Variants in ATP6V1E2 observed in about 807,000 individuals in gnomAD.
The protein encoded by ATP6V1E2 is V-type proton ATPase subunit E 2.
For missense variants in ATP6V1E2, 308 were observed against 273.3 expected, an observed-to-expected ratio of 1.13 and a Z score of -0.90; for synonymous variants, 121 against 104.2, an observed-to-expected ratio of 1.16 and a Z score of -0.98.
At chr2:46,525,338 T>C (rs1572708137) in intron 4 of ATP6V1E2, among the ~76,000 whole-genome samples, 1 of 151,280 alleles carries the variant, frequency 6.6e-6, no homozygotes, top group Non-Finnish European at 1.5e-5. Context: ...GGCGGGCGCC[T>C]GTAGTCCCAG....
chr2:46,536,959 T>C (rs1667475878), intron 2 of ATP6V1E2, among the ~76,000 whole-genome samples: 1 of 152,070 alleles, frequency 6.6e-6, no homozygotes, highest in South Asian at 2.1e-4. Flanking sequence ...ATTTTTGTAT[T>C]TTTAGCGGAG....
chr2:46,526,241 G>A (rs538407432), intron 4 of ATP6V1E2, among the ~76,000 whole-genome samples: 13 of 151,932 alleles, frequency 8.6e-5, no homozygotes, highest in South Asian at 2.1e-4. Flanking sequence ...TCAGCCTCCC[G>A]AGTAGCTGGG....
intron 4 of ATP6V1E2, among the ~76,000 whole-genome samples, chr2:46,522,158 T>C (rs1019940180): frequency 6.6e-6 from 1 of 151,450 alleles, no homozygotes; most frequent in African/African-American, 2.4e-5. Context: ...GGAATGATGG[T>C]GTGCGCCTGT....
At position 46,533,244 on chromosome 2, in the gene ATP6V1E2, T is replaced by C. The variant is rs1414975195; in HGVS notation, c.-102+2569A>G. Reference sequence around the variant, plus strand: ...ATAGATAGATAGATAGATAGATAGATAGATAGATAGAATGGTTTGGGGTTT... The same window carrying C: ...ATAGATAGATAGATAGATAGATAGACAGATAGATAGAATGGTTTGGGGTTT... On this transcript the variant is annotated intron_variant, in intron 4 of 4. Transcript: ENST00000522587. Among the ~76,000 whole-genome samples the C allele has an allele frequency of 2.8e-5, 4 of 141,402 alleles. No homozygotes were observed. The East Asian group carries it at 7.8e-4, about 28-fold the overall frequency. The allele number at this position is 141,402 out of a possible 152,430, so 92.8% of individuals were successfully genotyped here.
At chr2:46,532,674 G>T (rs1423001236) in intron 4 of ATP6V1E2, among the ~76,000 whole-genome samples, 1 of 152,152 alleles carries the variant, frequency 6.6e-6, no homozygotes. Flanking sequence ...CTTCTACCAT[G>T]TGAGGTCATA....
intron 4 of ATP6V1E2, among the ~76,000 whole-genome samples, chr2:46,517,301 A>C (rs983021611): frequency 1.3e-5 from 2 of 152,152 alleles, no homozygotes; most frequent in Non-Finnish European, 2.9e-5. Context: ...ATGAAATTGG[A>C]CCCTTATTTT....
At chr2:46,541,265 T>C (rs955834497) in intron 2 of ATP6V1E2, 125 bp downstream of exon 2, 1 of 152,244 alleles carries the variant, frequency 6.6e-6, no homozygotes, top group Non-Finnish European at 1.5e-5. Flanking sequence ...ATTCAGTCCA[T>C]ACAAAATATC....
At chr2:46,519,432 G>A (rs1015243887) in intron 4 of ATP6V1E2, 2 of 152,218 alleles carry the variant, frequency 1.3e-5, no homozygotes, top group Admixed American at 1.3e-4. Context: ...GTCTTTAAGA[G>A]AGCCACACCC....
intron 4 of ATP6V1E2, among the ~76,000 whole-genome samples, chr2:46,515,427 T>A (rs1351643510): frequency 1.3e-5 from 2 of 152,338 alleles, no homozygotes; most frequent in Non-Finnish European, 2.9e-5. Flanking sequence ...ATTCATCAGC[T>A]TAAAGTAGAC....
intron 4 of ATP6V1E2, among the ~76,000 whole-genome samples, chr2:46,516,224 A>T (rs1043693907): frequency 1.3e-5 from 2 of 152,226 alleles, no homozygotes; most frequent in African/African-American, 4.8e-5. Flanking sequence ...GCAGCACAAT[A>T]CACATTCTTC....
chr2:46,532,084 A>C (rs1386827202), intron 4 of ATP6V1E2, among the ~76,000 whole-genome samples: 1 of 152,218 alleles, frequency 6.6e-6, no homozygotes, highest in African/African-American at 2.4e-5. Context: ...TGCTTTTGAC[A>C]TCATATATAA....
At chr2:46,540,549 G>A (rs1296684944) in intron 2 of ATP6V1E2, among the ~76,000 whole-genome samples, 1 of 149,788 alleles carries the variant, frequency 6.7e-6, no homozygotes, top group Non-Finnish European at 1.5e-5. Flanking sequence ...GACAGCCTAT[G>A]GGACGCTCAG....
intron 4 of ATP6V1E2, among the ~76,000 whole-genome samples, chr2:46,531,552 G>T (rs888374563): frequency 6.6e-6 from 1 of 152,206 alleles, no homozygotes; most frequent in African/African-American, 2.4e-5. Flanking sequence ...CCTAGCTCTA[G>T]AATTGCTGGG....
At chr2:46,540,962 G>A (rs1438460322) in intron 2 of ATP6V1E2, among the ~76,000 whole-genome samples, 32 of 152,186 alleles carry the variant, frequency 2.1e-4, no homozygotes, top group Admixed American at 2.1e-3. Flanking sequence ...CACATTTATA[G>A]ATGAGAAAAC....
At chr2:46,519,828 T>G (rs962220398) in intron 4 of ATP6V1E2, 1 of 152,242 alleles carries the variant, frequency 6.6e-6, no homozygotes, top group East Asian at 1.9e-4. Flanking sequence ...CTCTTCATCA[T>G]AGTTGTTCTG....
chr2:46,536,312 C>T (rs1667441748), intron 3 of ATP6V1E2, among the ~76,000 whole-genome samples: 2 of 152,194 alleles, frequency 1.3e-5, no homozygotes, highest in African/African-American at 4.8e-5. Context: ...TATTTATCAG[C>T]GTGATCATTA....
At chr2:46,534,889 C>T (rs1218104573) in intron 4 of ATP6V1E2, 1 of 152,196 alleles carries the variant, frequency 6.6e-6, no homozygotes, top group Admixed American at 6.5e-5. Flanking sequence ...CACAGCTCCG[C>T]AGTAGTTCTT....
chr2:46,541,524 G>T (rs1489749590), intron 1 of ATP6V1E2, 71 bp from the exon 2 acceptor site: 2 of 152,224 alleles, frequency 1.3e-5, no homozygotes, highest in Non-Finnish European at 2.9e-5. Flanking sequence ...TGAGTACTGG[G>T]AGCAGCTGGA....
rs57428249 is a variant in ATP6V1E2 at position 46,525,461 on chromosome 2, C to CAA, written c.-102+10350_-102+10351dup. On this transcript the variant is annotated intron_variant, in intron 4 of 4. Coordinates refer to ENST00000522587, the MANE Select transcript of ATP6V1E2 (RefSeq NM_001318063.2). Reference sequence around the variant, plus strand: ...TGGGCGACAGAACGAGACTCCGTCTCAAAAAAAAAAAAAAAGAAAAAAAAA... The same window carrying CAA: ...TGGGCGACAGAACGAGACTCCGTCTCAAAAAAAAAAAAAAAAAGAAAAAAAAA... 3.2e-3 allele frequency among the ~76,000 whole-genome samples: 182 copies of CAA among 56,640 alleles called. 9 individuals carry two copies. Among genetic ancestry groups the CAA allele is most frequent in the African/African-American group, 9.2e-3 (136 of 14,780 alleles). 37.2% of individuals were successfully genotyped at this position (56,640 alleles called of 152,430 possible).
Sources: allele counts gnomAD v4.1 joint callset (sites outside exome capture counted in the v4.1 genomes callset), GRCh38; gene constraint gnomAD v4.1.1; transcripts MANE v1.5; gene names NCBI Gene and HGNC (gene_info 2026-07-23, HGNC 2026-07-21).